The following MLPH variants were observed in gnomAD, a reference collection of about 807,000 sequenced individuals.
The protein encoded by MLPH is exophilin-3.
Under a neutral mutation model 72.1 loss-of-function variants are expected in MLPH, and 51 were observed. The ratio of observed to expected loss-of-function variants is 0.71; its 90% CI spans 0.56 to 0.89. The LOEUF (loss-of-function observed/expected upper bound fraction) is 0.89, where lower values mean the gene tolerates loss of function less well. Among genes scored for constraint, MLPH ranks in the 40% least tolerant of loss-of-function variants. The pLI, the probability that MLPH is intolerant of heterozygous loss-of-function variation, is 0.00. For missense variants in MLPH, 743 were observed against 759.9 expected, an observed-to-expected ratio of 0.98 and a Z score of 0.26; for synonymous variants, 301 against 310.1, an observed-to-expected ratio of 0.97 and a Z score of 0.31.
intron 6 of MLPH, among the ~76,000 whole-genome samples, chr2:237,521,824 T>A (rs1247992538): frequency 6.9e-6 from 1 of 145,672 alleles, no homozygotes; most frequent in African/African-American, 2.7e-5. Flanking sequence ...GGGCTGAGAC[T>A]GGGGTTGGGC....
At chr2:237,487,148 C>A (rs1280710493), upstream of MLPH, 1 of 152,216 alleles carries the variant, frequency 6.6e-6, no homozygotes, top group Non-Finnish European at 1.5e-5. Context: ...CGTTCCGTTC[C>A]GCCCTCTGCC....
Position 237,505,609 on chromosome 2 carries a change from T to C in MLPH, c.111-4965T>C, listed in dbSNP as rs953905764. Among the ~76,000 whole-genome samples the C allele has an allele frequency of 6.6e-6, 1 of 152,162 alleles. No homozygotes were observed. The highest frequency in any genetic ancestry group is 1.5e-5 in the Non-Finnish European group (1 of 68,014). On this transcript the variant is annotated intron_variant, in intron 2 of 15. Transcript: ENST00000264605. The surrounding 1 kb of genome is among the most constrained non-coding windows in gnomAD (Gnocchi z 4.5). Reference sequence around the variant, plus strand: ...TTCCTGCATGTTGCCACCACACCCCTGTCTAGATTTCACCCCAAGAGGGGC... The same window carrying C: ...TTCCTGCATGTTGCCACCACACCCCCGTCTAGATTTCACCCCAAGAGGGGC...
chr2:237,504,352 G>C (rs775949509), intron 2 of MLPH, among the ~76,000 whole-genome samples: 7 of 152,136 alleles, frequency 4.6e-5, no homozygotes, highest in African/African-American at 7.2e-5. Context: ...AAGTAGCTGG[G>C]ATTACAGGTG....
chr2:237,538,653 G>C (rs981860119), intron 9 of MLPH, among the ~76,000 whole-genome samples: 1 of 152,136 alleles, frequency 6.6e-6, no homozygotes, highest in Admixed American at 6.5e-5. Flanking sequence ...TTTCCTCCAG[G>C]GATGAAATCC....
chr2:237,526,363 C>A (rs1355043474), intron 7 of MLPH, among the ~76,000 whole-genome samples: 1 of 152,136 alleles, frequency 6.6e-6, no homozygotes, highest in Non-Finnish European at 1.5e-5. Flanking sequence ...CAAGTAAGAT[C>A]ACAGCAGCAG....
At chr2:237,552,006 G>T in intron 14 of MLPH, 1 of 204,888 alleles carries the variant, frequency 4.9e-6, no homozygotes, top group Non-Finnish European at 9.7e-6. Context: ...GAACAAAAAA[G>T]AAAAGAAAGT....
intron 9 of MLPH, among the ~76,000 whole-genome samples, chr2:237,538,117 G>A (rs901055530): frequency 6.6e-6 from 1 of 152,262 alleles, no homozygotes; most frequent in African/African-American, 2.4e-5. Flanking sequence ...GGCTCCTGAC[G>A]ATGGGGAGGT....
At chr2:237,548,596 C>T (rs1559380175) in intron 13 of MLPH, among the ~76,000 whole-genome samples, 1 of 152,092 alleles carries the variant, frequency 6.6e-6, no homozygotes. Flanking sequence ...TAGCCGGGCG[C>T]AGTGGCTCAC....
rs976877794 is a variant in MLPH at position 237,491,597 on chromosome 2, G to C, written c.-24-1806G>C. Among the ~76,000 whole-genome samples the C allele has an allele frequency of 2.0e-5, 3 of 152,324 alleles. No individual in the cohort carries two copies. In the East Asian group the frequency reaches 5.8e-4, roughly 29 times the overall value. Reference sequence around the variant, plus strand: ...CAACTGTTAAGGGGTATAAAGAAACGTTAAAGGGATGGGGACAGGTGAAGG... The same window carrying C: ...CAACTGTTAAGGGGTATAAAGAAACCTTAAAGGGATGGGGACAGGTGAAGG... On this transcript the variant is annotated intron_variant, in intron 1 of 15. Coordinates refer to ENST00000264605, the MANE Select transcript of MLPH (RefSeq NM_024101.7).
intron 2 of MLPH, among the ~76,000 whole-genome samples, chr2:237,506,526 T>C (rs1157197593): frequency 6.6e-6 from 1 of 152,174 alleles, no homozygotes; most frequent in African/African-American, 2.4e-5. Flanking sequence ...AGGGGGTTCA[T>C]GTGAGAGGGT....
At chr2:237,514,404 A>G (rs559833993) in intron 4 of MLPH, among the ~76,000 whole-genome samples, 93 of 152,230 alleles carry the variant, frequency 6.1e-4, no homozygotes, top group African/African-American at 2.1e-3. Context: ...CCAGCCAGAT[A>G]ATTTCTTTAT....
intron 10 of MLPH, 25 bp from the exon 11 acceptor site, chr2:237,540,777 C>T (rs772041273): frequency 6.2e-7 from 1 of 1,611,596 alleles, no homozygotes; most frequent in South Asian, 1.1e-5. Context: ...TGCTGCTGGT[C>T]AGCCTCCGTC....
intron 8 of MLPH, among the ~76,000 whole-genome samples, chr2:237,533,479 C>T (rs1386550204): frequency 6.7e-6 from 1 of 149,434 alleles, no homozygotes; most frequent in African/African-American, 2.5e-5. Flanking sequence ...CTGCAAACTC[C>T]ACCTCCCAGA....
At chr2:237,537,157 G>A (rs908243091) in intron 9 of MLPH, among the ~76,000 whole-genome samples, 2 of 152,210 alleles carry the variant, frequency 1.3e-5, no homozygotes, top group Admixed American at 1.3e-4. Flanking sequence ...TGGCAAACAA[G>A]GACGAGTTAG....
Position 237,525,824 on chromosome 2 carries a change from G to A in MLPH, c.880+19G>A. 6.2e-7 allele frequency: 1 copy of A among 1,607,934 alleles called. No homozygotes were observed. The highest frequency in any genetic ancestry group is 8.5e-7 in the Non-Finnish European group (1 of 1,179,410). On this transcript the variant is annotated intron_variant, in intron 7 of 15. Transcript: ENST00000264605. ...GCACTCGGTAGGTGCCCTTGGCCAGGGTCTTCCTGATGGGCTCGGCATGGG... is the reference window on the plus strand; with the variant it reads ...GCACTCGGTAGGTGCCCTTGGCCAGAGTCTTCCTGATGGGCTCGGCATGGG...
At chr2:237,552,314 C>T in intron 14 of MLPH, 23 bp from the exon 15 acceptor site, 1 of 1,603,020 alleles carries the variant, frequency 6.2e-7, no homozygotes, top group Non-Finnish European at 8.5e-7. Flanking sequence ...AAAGCACCAT[C>T]CCTCTTCCTG....
chr2:237,541,909 C>T lies in MLPH; in HGVS notation c.1447-658C>T, dbSNP rs1461750095. 1.3e-5 allele frequency among the ~76,000 whole-genome samples: 2 copies of T among 152,210 alleles called. No individual in the cohort carries two copies. The highest frequency in any genetic ancestry group is 4.8e-5 in the African/African-American group (2 of 41,454). ...CAGGAGGGATACTAGGAAAGTAAGC[C>T]AGCCTGGCAAATCCAGGGGGCAGGA... On this transcript the variant is annotated intron_variant, in intron 11 of 15. Transcript: ENST00000264605. The surrounding 1 kb of genome is among the most constrained non-coding windows in gnomAD (Gnocchi z 5.1).
intron 12 of MLPH, among the ~76,000 whole-genome samples, chr2:237,543,110 G>C (rs1324118119): frequency 1.4e-5 from 1 of 68,970 alleles, no homozygotes. Context: ...AGTGGTGAGT[G>C]GGGGTACAGT....
At chr2:237,527,258 A>C (rs2080323716) in intron 7 of MLPH, 119 bp from the exon 8 acceptor site, 5 of 1,287,870 alleles carry the variant, frequency 3.9e-6, no homozygotes, top group African/African-American at 1.5e-5. Flanking sequence ...CAGCCCTGTA[A>C]CATGAACATC....
Sources: allele counts gnomAD v4.1 joint callset (sites outside exome capture counted in the v4.1 genomes callset), GRCh38; gene constraint gnomAD v4.1.1; non-coding constraint Gnocchi (gnomAD v3.1); transcripts MANE v1.5; gene names NCBI Gene and HGNC (gene_info 2026-07-23, HGNC 2026-07-21).